Variants in KY observed in about 807,000 individuals in gnomAD.
KY encodes the protein kyphoscoliosis peptidase.
KY carries 43 observed loss-of-function variants against 76.1 expected under a neutral mutation model. The observed-to-expected ratio is 0.57, with a 90% CI of 0.44 to 0.73. The LOEUF (loss-of-function observed/expected upper bound fraction) is 0.73. Among genes scored for constraint, KY ranks in the 30% least tolerant of loss-of-function variants. KY has a pLI of 0.00. For synonymous variants in KY, 277 were observed against 326.2 expected (o/e 0.85, Z 1.63); for missense variants, 722 against 828.9 (o/e 0.87, Z 1.58).
rs545059019 is a variant in KY, at chr3:134,636,684, G to A, written c.262+6632C>T. On this transcript the variant is annotated intron_variant, in intron 3 of 10. Coordinates refer to ENST00000423778, the MANE Select transcript of KY (RefSeq NM_178554.6). ...GAATTTCTAGCTAACCTGCAGATTG[G>A]TGAGCTCGTAAATGCTTATTGTCTA... 3.3e-5 allele frequency among the ~76,000 whole-genome samples: 5 copies of A among 152,334 alleles called. No homozygotes were observed. The East Asian group carries it at 9.6e-4, about 29-fold the overall frequency.
At position 134,603,667 on chromosome 3, in the gene KY, CCAGCTGTGCTG is replaced by C; in HGVS notation, c.1887_1897del (p.Cys629TrpfsTer65). On this transcript the variant is annotated frameshift_variant, in exon 11 of 11. Transcript: ENST00000423778. LOFTEE classifies it high-confidence loss of function. ...CACCATGACATAGACTTCCTGGCAG[CCAGCTGTGCTG>C]CAGCTTCCCTCCCAGTAGCCCTCGT... 1 of 1,613,714 alleles carries C rather than the reference CCAGCTGTGCTG, an allele frequency of 6.2e-7. No homozygotes were observed. Among genetic ancestry groups the C allele is most frequent in the African/African-American group, 1.3e-5 (1 of 75,056 alleles).
chr3:134,618,571 G>A (rs1962005770), intron 8 of KY, among the ~76,000 whole-genome samples: 1 of 141,788 alleles, frequency 7.1e-6, no homozygotes, highest in Admixed American at 7.9e-5. Context: ...TGAGTCACTG[G>A]GAACTGGCAA....
In KY at chr3:134,629,617, A is replaced by G; in HGVS notation, c.337+4T>C. On this transcript the variant is annotated splice_donor_region_variant and intron_variant, in intron 4 of 10. Coordinates refer to ENST00000423778, the MANE Select transcript of KY (RefSeq NM_178554.6). The stretch of plus-strand genomic sequence containing the variant: ...TCCACCATGAGTACCTGTGTCATAC[A>G]TACGTTTAGCCAAGGAGAACTTCTT... The G allele has an allele frequency of 6.3e-7, 1 of 1,594,546 alleles. No individual in the cohort carries two copies.
At position 134,610,183 on chromosome 3, in the gene KY, A is replaced by G. The variant is rs1431127564; in HGVS notation, c.899+12T>C. 3.7e-6 allele frequency: 6 copies of G among 1,609,332 alleles called. No individual in the cohort carries two copies. Among genetic ancestry groups the G allele is most frequent in the Admixed American group, 1.7e-5 (1 of 59,466 alleles). ...CTGCCAGACGCCCAGCAGAACTGAG[A>G]CAAGTACTTACAGGAAGGTGAATTT... On this transcript the variant is annotated intron_variant, in intron 9 of 10. Coordinates refer to ENST00000423778, the MANE Select transcript of KY (RefSeq NM_178554.6).
At chr3:134,636,404 C>T (rs1481376058) in intron 3 of KY, among the ~76,000 whole-genome samples, 2 of 152,168 alleles carry the variant, frequency 1.3e-5, no homozygotes, top group Admixed American at 1.3e-4. Context: ...TTAGCACATG[C>T]CAGAAGTGAT....
intron 3 of KY, among the ~76,000 whole-genome samples, chr3:134,640,503 T>C (rs1032890931): frequency 1.3e-5 from 2 of 152,098 alleles, no homozygotes; most frequent in Non-Finnish European, 2.9e-5. Flanking sequence ...ACACCAAGTG[T>C]CCCACCTCTG....
rs374875209 is a variant in KY at position 134,634,333 on chromosome 3, CTT to C, written c.263-4640_263-4639del. Among the ~76,000 whole-genome samples, 17 of 152,148 alleles carry C rather than the reference CTT, an allele frequency of 1.1e-4. 1 individual carries two copies. The highest frequency in any genetic ancestry group is 4.1e-4 in the African/African-American group (17 of 41,510). On this transcript the variant is annotated intron_variant, in intron 3 of 10. Coordinates refer to ENST00000423778, the MANE Select transcript of KY (RefSeq NM_178554.6). ...AAAAAAAGATGGGAGGACTCCCACTCTTTGATTTTAAGATGCATTAATGAAAA... is the reference window on the plus strand; with the variant it reads ...AAAAAAAGATGGGAGGACTCCCACTCTGATTTTAAGATGCATTAATGAAAA...
At position 134,621,700 on chromosome 3, in the gene KY, G is replaced by GA. The variant is rs574701855; in HGVS notation, c.484-844dup. On this transcript the variant is annotated intron_variant, in intron 6 of 10. Coordinates refer to ENST00000423778, the MANE Select transcript of KY (RefSeq NM_178554.6). ...GGCACCAAAAGCACAAGCAACAAAG[G>GA]AAAAAACAGATAAAAGGGCATTCGT... 3.1e-3 allele frequency among the ~76,000 whole-genome samples: 469 copies of GA among 151,958 alleles called. 2 individuals are homozygous for GA. Among genetic ancestry groups the GA allele is most frequent in the African/African-American group, 0.01 (435 of 41,442 alleles).
At chr3:134,604,953 G>C (rs536328075) in intron 10 of KY, among the ~76,000 whole-genome samples, 185 of 152,266 alleles carry the variant, frequency 1.2e-3, no homozygotes, top group Non-Finnish European at 2.4e-3. Context: ...TAGTGAGAAT[G>C]GCTTCACTCC....
At chr3:134,608,557 C>G (rs1285448391) in intron 10 of KY, 92 bp downstream of exon 10, 7 of 1,609,564 alleles carry the variant, frequency 4.3e-6, no homozygotes, top group Non-Finnish European at 5.9e-6. Context: ...GAAGGGCATG[C>G]CTTGAAAGCG....
At chr3:134,635,153 C>T (rs890668904) in intron 3 of KY, among the ~76,000 whole-genome samples, 14 of 152,182 alleles carry the variant, frequency 9.2e-5, no homozygotes, top group African/African-American at 2.2e-4. Flanking sequence ...ACAACTTAAA[C>T]GTCCTTCAAT....
intron 6 of KY, 39 bp downstream of exon 6, chr3:134,625,014 C>T (rs1963240764): frequency 1.9e-6 from 3 of 1,550,042 alleles, no homozygotes; most frequent in Non-Finnish European, 2.6e-6. Context: ...TCTAAGCCAC[C>T]TTGAAGGGGC....
intron 8 of KY, among the ~76,000 whole-genome samples, chr3:134,616,012 C>G (rs1961498317): frequency 6.6e-6 from 1 of 152,220 alleles, no homozygotes. Context: ...AACCTGCTAG[C>G]TGGTGATGCT....
chr3:134,618,554 C>A (rs1413066040), intron 8 of KY, among the ~76,000 whole-genome samples: 2 of 136,456 alleles, frequency 1.5e-5, no homozygotes, highest in African/African-American at 5.3e-5. Context: ...ACATCTTGAG[C>A]CTGTTTTGAG....
Position 134,602,887 on chromosome 3 carries a change from C to A in KY, c.*692G>T, listed in dbSNP as rs1295901538. ...TGCTCTTTGCTTTGCAGTCTCCTCA[C>A]AACTTTCTGGTTGTCACATTCCTGA... On this transcript the variant is annotated 3_prime_UTR_variant, in exon 11 of 11. Transcript: ENST00000423778. Among the ~76,000 whole-genome samples, 1 of 152,242 alleles carries A rather than the reference C, an allele frequency of 6.6e-6. No homozygotes were observed. The highest frequency in any genetic ancestry group is 1.9e-4 in the East Asian group (1 of 5,188).
Position 134,647,481 on chromosome 3 carries a change from T to C in KY, c.153A>G (p.Gly51=), listed in dbSNP as rs1238989951. The change falls in exon 2 of 11, where the codon GGA becomes GGG. Residue 51 remains glycine, a synonymous_variant. Coordinates refer to ENST00000423778, the MANE Select transcript of KY (RefSeq NM_178554.6). The part of the protein sequence containing the change: ...LQRGGGFQGV[G]NGVRRWQKLE... ...ATTTCTGCCATCTTCGGACTCCATT[T>C]CCAACACCTTGGAATCCTGCAAAAT... 3 of 1,611,324 alleles carry C rather than the reference T, an allele frequency of 1.9e-6. No individual in the cohort carries two copies. The highest frequency in any genetic ancestry group is 2.5e-6 in the Non-Finnish European group (3 of 1,177,976).
chr3:134,624,360 A>T (rs905448973), intron 6 of KY, among the ~76,000 whole-genome samples: 2 of 152,188 alleles, frequency 1.3e-5, no homozygotes, highest in Non-Finnish European at 2.9e-5. Context: ...TTCTTGATCC[A>T]TGCACTCACC....
At chr3:134,636,229 A>AT (rs1216399809) in intron 3 of KY, among the ~76,000 whole-genome samples, 11 of 152,174 alleles carry the variant, frequency 7.2e-5, no homozygotes, top group African/African-American at 2.4e-4. Flanking sequence ...CTTATGAATG[A>AT]TTTTATCAAT....
In KY at chr3:134,648,083, C is replaced by T. The variant is rs150929461; in HGVS notation, c.137-586G>A. Among the ~76,000 whole-genome samples the T allele has an allele frequency of 6.6e-3, 1,011 of 152,310 alleles. 10 individuals carry two copies. Among genetic ancestry groups the T allele is most frequent in the Middle Eastern group, 0.017 (5 of 294 alleles). ...GGAAGGAAAGCTCTCGCTCTGGCTG[C>T]GGCTGCAAGTGGTAGCCGCAAGGTC... is the stretch of plus-strand genomic sequence containing the variant. On this transcript the variant is annotated intron_variant, in intron 1 of 10. Transcript: ENST00000423778.
Sources: allele counts gnomAD v4.1 joint callset (sites outside exome capture counted in the v4.1 genomes callset), GRCh38; gene constraint gnomAD v4.1.1; transcripts MANE v1.5; gene names NCBI Gene and HGNC (gene_info 2026-07-23, HGNC 2026-07-21).